Variants in NFIA observed in about 807,000 individuals in gnomAD.
The protein encoded by NFIA is nuclear factor I A, also known as nuclear factor 1 A-type.
In NFIA, 8 loss-of-function variants were observed where a neutral mutation model predicts 62.8. The observed-to-expected ratio is 0.13, with a 90% confidence interval of 0.07 to 0.23. The LOEUF (loss-of-function observed/expected upper bound fraction) is 0.23, where lower values mean the gene tolerates loss of function less well. NFIA is among the 10% of genes least tolerant of loss of function. The pLI, the probability that NFIA is intolerant of heterozygous loss-of-function variation, is 1.00. For missense variants in NFIA, 410 were observed against 642.1 expected (o/e 0.64, Z 3.91); for synonymous variants, 235 against 238.1 (o/e 0.99, Z 0.12).
At chr1:61,407,365 A>T (rs905102816) in intron 9 of NFIA, among the ~76,000 whole-genome samples, 2 of 152,208 alleles carry the variant, frequency 1.3e-5, no homozygotes, top group Non-Finnish European at 2.9e-5. Flanking sequence ...TTCTCTGAAC[A>T]GTCTGAGAAC....
intron 6 of NFIA, among the ~76,000 whole-genome samples, chr1:61,367,337 C>G (rs1056496256): frequency 4.6e-5 from 7 of 152,202 alleles, no homozygotes; most frequent in African/African-American, 1.7e-4. Context: ...CATGGACACT[C>G]CACTGCACTA....
At chr1:61,167,920 G>A (rs1030158102) in intron 2 of NFIA, among the ~76,000 whole-genome samples, 24 of 152,134 alleles carry the variant, frequency 1.6e-4, no homozygotes, top group African/African-American at 5.3e-4. Context: ...TCCAGTGTTG[G>A]ATGCTCTCCA....
At chr1:61,193,975 G>T (rs1236037117) in intron 2 of NFIA, among the ~76,000 whole-genome samples, 5 of 152,140 alleles carry the variant, frequency 3.3e-5, no homozygotes, top group Non-Finnish European at 7.4e-5. Flanking sequence ...TAACTGATTG[G>T]CCTGATGAAT....
chr1:61,461,149 G>A lies in NFIA; in HGVS notation c.*5829G>A, dbSNP rs577907751. The A allele has an allele frequency of 2.0e-5, 3 of 152,148 alleles. No individual in the cohort carries two copies. The highest frequency in any genetic ancestry group is 4.4e-5 in the Non-Finnish European group (3 of 68,028). 9.4% of individuals were successfully genotyped at this position (152,148 alleles called of 1,614,324 possible). ...CTGCGAAGACACTCTGAGAACATTT[G>A]CAAGTCAGGGGCATTTTCCTTGACC... On this transcript the variant is annotated 3_prime_UTR_variant, in exon 11 of 11. Coordinates refer to ENST00000403491, the MANE Select transcript of NFIA (RefSeq NM_001134673.4).
chr1:61,238,699 T>G (rs1006240926), intron 2 of NFIA, among the ~76,000 whole-genome samples: 13 of 152,304 alleles, frequency 8.5e-5, no homozygotes, highest in African/African-American at 2.9e-4. Flanking sequence ...CTGTCTTTTC[T>G]GGTGCTTTTC....
intron 2 of NFIA, among the ~76,000 whole-genome samples, chr1:61,160,983 C>T (rs1323272610): frequency 1.3e-5 from 2 of 152,194 alleles, no homozygotes; most frequent in Non-Finnish European, 2.9e-5. Flanking sequence ...GGCACAATCT[C>T]AGCTCACTGC....
At chr1:61,450,039 CGTTCATT>C (rs1210654300) in intron 10 of NFIA, among the ~76,000 whole-genome samples, 1 of 152,156 alleles carries the variant, frequency 6.6e-6, no homozygotes, top group Non-Finnish European at 1.5e-5. Context: ...TACTGGGCAT[CGTTCATT>C]GCCAGAAGTT....
chr1:61,166,879 C>T (rs1005282302), intron 2 of NFIA, among the ~76,000 whole-genome samples: 6 of 152,314 alleles, frequency 3.9e-5, no homozygotes, highest in African/African-American at 7.2e-5. Context: ...CAGTGGCTCA[C>T]GCCTGTAATC....
chr1:61,455,270 G>T, intron 10 of NFIA, 33 bp from the exon 11 acceptor site: 1 of 1,611,988 alleles, frequency 6.2e-7, no homozygotes, highest in Non-Finnish European at 8.5e-7. Context: ...TACAAATTGT[G>T]ATTTTAATTG....
Position 61,390,389 on chromosome 1 carries a change from C to G in NFIA, c.1075+7024C>G, listed in dbSNP as rs1015142175. The stretch of plus-strand genomic sequence containing the variant: ...TAAAATTGCCTGGATTCTGAAAATA[C>G]GCCTAAGATACACTAAAGCAATCAC... On this transcript the variant is annotated intron_variant, in intron 7 of 10. Transcript: ENST00000403491. Among the ~76,000 whole-genome samples the G allele has an allele frequency of 3.3e-5, 5 of 151,724 alleles. 1 individual carries two copies. The highest frequency in any genetic ancestry group is 2.1e-4 in the South Asian group (1 of 4,802).
At chr1:61,257,374 G>T (rs1656476680) in intron 2 of NFIA, among the ~76,000 whole-genome samples, 1 of 105,968 alleles carries the variant, frequency 9.4e-6, no homozygotes, top group South Asian at 3.5e-4. Context: ...GTCTCCCTCT[G>T]TCACCCAGGC....
chr1:61,312,462 C>T (rs963305116), intron 3 of NFIA, among the ~76,000 whole-genome samples: 4 of 151,996 alleles, frequency 2.6e-5, no homozygotes, highest in Admixed American at 6.5e-5. Context: ...CTATAATTCA[C>T]TGCTGACCTT....
Position 61,110,642 on chromosome 1 carries a change from G to T in NFIA, c.559+21962G>T, listed in dbSNP as rs116114634. ...GAGTTATAAAAGCGAAATTTAGGTG[G>T]TGGGTAAGTGTATCTACATTTTGGC... On this transcript the variant is annotated intron_variant, in intron 2 of 10. Coordinates refer to ENST00000403491, the MANE Select transcript of NFIA (RefSeq NM_001134673.4). Among the ~76,000 whole-genome samples, 613 of 152,146 alleles carry T rather than the reference G, an allele frequency of 4.0e-3. 4 individuals are homozygous for T. Among genetic ancestry groups the T allele is most frequent in the Non-Finnish European group, 5.2e-3 (355 of 67,928 alleles).
intron 2 of NFIA, among the ~76,000 whole-genome samples, chr1:61,126,175 A>C (rs1345686504): frequency 1.3e-5 from 2 of 152,142 alleles, no homozygotes; most frequent in Non-Finnish European, 2.9e-5. Context: ...CTTGCATTAC[A>C]CTAAACTGCC....
At chr1:61,161,389 G>A (rs1011926535) in intron 2 of NFIA, among the ~76,000 whole-genome samples, 4 of 152,170 alleles carry the variant, frequency 2.6e-5, no homozygotes, top group African/African-American at 9.7e-5. Flanking sequence ...TTCTGTTCTA[G>A]ACACAAGTCT....
At chr1:61,196,792 A>G (rs1570359425) in intron 2 of NFIA, among the ~76,000 whole-genome samples, 1 of 152,246 alleles carries the variant, frequency 6.6e-6, no homozygotes, top group East Asian at 1.9e-4. Flanking sequence ...AATTAACTTG[A>G]AGTAGAATAA....
chr1:61,406,092 A>G (rs900567568), intron 8 of NFIA, among the ~76,000 whole-genome samples: 1 of 152,216 alleles, frequency 6.6e-6, no homozygotes, highest in Non-Finnish European at 1.5e-5. Flanking sequence ...CATATTTAGG[A>G]AAATTTATTC....
intron 2 of NFIA, among the ~76,000 whole-genome samples, chr1:61,239,418 G>A (rs1001113006): frequency 1.6e-4 from 24 of 151,886 alleles, no homozygotes; most frequent in Admixed American, 6.6e-4. Flanking sequence ...TCTCGTTATC[G>A]GGACTATCAG....
At chr1:61,380,130 G>A (rs1278472444) in intron 6 of NFIA, among the ~76,000 whole-genome samples, 1 of 152,128 alleles carries the variant, frequency 6.6e-6, no homozygotes, top group African/African-American at 2.4e-5. Flanking sequence ...AGGCCTTCTT[G>A]ACATGTTTCT....
Sources: gnomAD v4.1 joint callset for allele counts (sites outside exome capture counted in the v4.1 genomes callset) on GRCh38, gnomAD v4.1.1 for gene constraint, MANE v1.5 for transcripts, NCBI Gene and HGNC (gene_info 2026-07-23, HGNC 2026-07-21) for gene names.